Variants in ZBTB38 observed in about 807,000 individuals in gnomAD.
ZBTB38 encodes the protein zinc finger and BTB domain-containing protein 38.
In ZBTB38, 20 loss-of-function variants were observed where a neutral mutation model predicts 76.8. The ratio of observed to expected loss-of-function variants is 0.26; its 90% confidence interval spans 0.18 to 0.38. The LOEUF (loss-of-function observed/expected upper bound fraction) is 0.38. ZBTB38 is among the 10% of genes least tolerant of loss of function. The pLI is 1.00. For synonymous variants in ZBTB38, 504 were observed against 544.2 expected (o/e 0.93, Z 1.03); for missense variants, 1,082 against 1,482.3 (o/e 0.73, Z 4.43).
chr3:141,345,537 T>G (rs1576655795), intron 1 of ZBTB38, among the ~76,000 whole-genome samples: 1 of 152,332 alleles, frequency 6.6e-6, no homozygotes, highest in Non-Finnish European at 1.5e-5. Flanking sequence ...AGATTCATAG[T>G]GCTTCTGCTA....
rs943011882 is a variant in ZBTB38 at position 141,368,631 on chromosome 3, G to T, written c.-483G>T. 2.0e-5 allele frequency: 3 copies of T among 152,102 alleles called. No homozygotes were observed. The highest frequency in any genetic ancestry group is 6.5e-5 in the Admixed American group (1 of 15,278). The allele number at this position is 152,102 out of a possible 1,614,324, so 9.4% of individuals were successfully genotyped here. On this transcript the variant is annotated 5_prime_UTR_variant, in exon 1 of 6. Transcript: ENST00000321464. ...CTTCTTTTTTTTAAGCCTCACGAAA[G>T]ATTTTACTTGTAGATCAACTTTCAA...
At chr3:141,426,390 G>T (rs889423707) in intron 5 of ZBTB38, among the ~76,000 whole-genome samples, 1 of 152,298 alleles carries the variant, frequency 6.6e-6, no homozygotes, top group Admixed American at 6.5e-5. Context: ...ACACACGACC[G>T]TGCCTTTTCC....
At position 141,425,498 on chromosome 3, in the gene ZBTB38, A is replaced by G. The variant is rs112696014; in HGVS notation, c.1-16891A>G. Among the ~76,000 whole-genome samples the G allele has an allele frequency of 1.7e-3, 256 of 152,386 alleles. 5 individuals are homozygous for G. Among genetic ancestry groups the G allele is most frequent in the African/African-American group, 6.0e-3 (250 of 41,600 alleles). ...CACCCCAGGGCCACCTGGTGGTCCC[A>G]TATAGCATCTTTGTACATAGTGAGA... is the stretch of plus-strand genomic sequence containing the variant. On this transcript the variant is annotated intron_variant, in intron 5 of 5. Coordinates refer to ENST00000321464, the MANE Select transcript of ZBTB38 (RefSeq NM_001376113.1).
At chr3:141,362,287 A>G (rs533632643) in intron 1 of ZBTB38, among the ~76,000 whole-genome samples, 1 of 152,180 alleles carries the variant, frequency 6.6e-6, no homozygotes, top group Non-Finnish European at 1.5e-5. Flanking sequence ...GAGGAAGAAA[A>G]GAGAACAATA....
intron 1 of ZBTB38, among the ~76,000 whole-genome samples, chr3:141,346,543 A>T (rs1319609325): frequency 6.6e-6 from 1 of 152,112 alleles, no homozygotes; most frequent in African/African-American, 2.4e-5. Context: ...AAAGGTCAGG[A>T]TGAAAAGGGC....
chr3:141,330,661 G>A (rs1488708183), intron 1 of ZBTB38, among the ~76,000 whole-genome samples: 5 of 152,184 alleles, frequency 3.3e-5, no homozygotes, highest in East Asian at 1.9e-4. Context: ...CAAAATTCAC[G>A]TGGAAACTTA....
chr3:141,430,047 T>G (rs1232712668), intron 5 of ZBTB38, among the ~76,000 whole-genome samples: 1 of 151,978 alleles, frequency 6.6e-6, no homozygotes, highest in Non-Finnish European at 1.5e-5. Flanking sequence ...GTGGGTTTGT[T>G]TTTTCGTTTT....
chr3:141,444,171 A>T lies in ZBTB38; in HGVS notation c.1783A>T (p.Met595Leu). ...TGAAAATGCACGAGAAAACAGTCAAATGAATGAGTCTGCACCTGGTACCTA... is the reference window on the plus strand; with the variant it reads ...TGAAAATGCACGAGAAAACAGTCAATTGAATGAGTCTGCACCTGGTACCTA... Reference protein sequence around the residue: ...SYENARENSQMNESAPGTYVV... With the variant: ...SYENARENSQLNESAPGTYVV... Residue 595 changes from methionine (M) to leucine (L), a missense_variant, in exon 6 of 6, where the codon ATG becomes TTG. Met to Leu is a conservative substitution (Grantham distance 15). Transcript: ENST00000321464. The surrounding 1 kb of genome is among the most constrained non-coding windows in gnomAD (Gnocchi z 5.1). 1 of 1,614,156 alleles carries T rather than the reference A, an allele frequency of 6.2e-7. No homozygotes were observed. The highest frequency in any genetic ancestry group is 1.1e-5 in the South Asian group (1 of 91,082).
intron 5 of ZBTB38, among the ~76,000 whole-genome samples, chr3:141,410,707 A>AT (rs2149824342): frequency 6.6e-6 from 1 of 152,328 alleles, no homozygotes; most frequent in East Asian, 1.9e-4. Context: ...AAGCAAATTT[A>AT]TTTTTGACCT....
intron 1 of ZBTB38, among the ~76,000 whole-genome samples, chr3:141,353,509 C>T (rs71314584): frequency 0.01 from 1,536 of 152,048 alleles, 20 homozygotes; most frequent in Non-Finnish European, 0.013. Context: ...CAATTACCTA[C>T]CAATACAATA....
At chr3:141,434,312 T>A (rs2150637616) in intron 5 of ZBTB38, 1 of 629,978 alleles carries the variant, frequency 1.6e-6, no homozygotes, top group South Asian at 7.1e-5. Context: ...TCCTAAGGCT[T>A]TATTCAGGCA....
intron 2 of ZBTB38, among the ~76,000 whole-genome samples, chr3:141,376,663 T>G (rs1265928818): frequency 6.6e-6 from 1 of 152,226 alleles, no homozygotes; most frequent in East Asian, 1.9e-4. Flanking sequence ...ACAACTTTCT[T>G]GAGTGAAGCA....
At chr3:141,435,620 C>T (rs1472844743) in intron 5 of ZBTB38, among the ~76,000 whole-genome samples, 3 of 151,962 alleles carry the variant, frequency 2.0e-5, no homozygotes, top group Non-Finnish European at 4.4e-5. Flanking sequence ...ATTAGCCAGG[C>T]ACGGTGGCAC....
In ZBTB38 at chr3:141,445,934, A is replaced by G; in HGVS notation, c.3546A>G (p.Gln1182=). The G allele has an allele frequency of 5.0e-6, 8 of 1,603,388 alleles. No homozygotes were observed. Among genetic ancestry groups the G allele is most frequent in the Non-Finnish European group, 6.8e-6 (8 of 1,179,824 alleles). Residue 1182 remains glutamine (Q), a synonymous_variant, in exon 6 of 6, where the codon CAA becomes CAG. Transcript: ENST00000321464. The surrounding 1 kb of genome is among the most constrained non-coding windows in gnomAD (Gnocchi z 6.5). ...QHFIGSEDND[Q]KDNIQTGVEN... is the part of the protein sequence containing the mutation. ...TCATTGGTTCAGAAGACAATGACCAAAAGGATAACATACAAACCGGTGTGG... is the reference window on the plus strand; with the variant it reads ...TCATTGGTTCAGAAGACAATGACCAGAAGGATAACATACAAACCGGTGTGG...
intron 1 of ZBTB38, among the ~76,000 whole-genome samples, chr3:141,362,399 C>G (rs1266122281): frequency 1.3e-5 from 2 of 152,058 alleles, no homozygotes; most frequent in Non-Finnish European, 2.9e-5. Context: ...CTAAACCCCC[C>G]ACATCATTAA....
At chr3:141,441,437 T>C (rs569904842) in intron 5 of ZBTB38, among the ~76,000 whole-genome samples, 32 of 152,378 alleles carry the variant, frequency 2.1e-4, no homozygotes, top group Admixed American at 3.3e-4. Flanking sequence ...GTCTCCTTTT[T>C]AGTTGCCTTC....
intron 5 of ZBTB38, among the ~76,000 whole-genome samples, chr3:141,414,231 A>C (rs1480133126): frequency 6.6e-6 from 1 of 152,224 alleles, no homozygotes; most frequent in East Asian, 1.9e-4. Context: ...TGGAGGTTTG[A>C]AACTTTTTCA....
At chr3:141,398,610 G>A (rs1314214779) in intron 4 of ZBTB38, among the ~76,000 whole-genome samples, 1 of 151,982 alleles carries the variant, frequency 6.6e-6, no homozygotes, top group African/African-American at 2.4e-5. Context: ...ATTATCAGCT[G>A]CTAGGCAATC....
chr3:141,397,738 G>A (rs1950654495), intron 4 of ZBTB38, among the ~76,000 whole-genome samples: 1 of 152,162 alleles, frequency 6.6e-6, no homozygotes, highest in Non-Finnish European at 1.5e-5. Context: ...CCAGTCAGTG[G>A]AACAGTCAGA....
Sources: gnomAD v4.1 joint callset for allele counts (sites outside exome capture counted in the v4.1 genomes callset) on GRCh38, gnomAD v4.1.1 for gene constraint, Gnocchi (gnomAD v3.1) non-coding constraint, MANE v1.5 for transcripts, NCBI Gene and HGNC (gene_info 2026-07-23, HGNC 2026-07-21) for gene names.